Variants in TBC1D4 observed in about 807,000 individuals in gnomAD.
The protein encoded by TBC1D4 is TBC (Tre-2, BUB2, CDC16) domain-containing protein.
A neutral mutation model predicts 142.5 loss-of-function variants in TBC1D4; 121 were observed. The ratio of observed to expected loss-of-function variants is 0.85; its 90% CI spans 0.73 to 0.99. TBC1D4 has a LOEUF of 0.99. Among genes scored for constraint, TBC1D4 ranks in the 50% least tolerant of loss-of-function variants. The probability of loss-of-function intolerance (pLI) is 0.00; values close to 1 mark genes in which losing one functional copy is unlikely to be tolerated. For synonymous variants in TBC1D4, 630 were observed against 628.2 expected (o/e 1.00, Z -0.04); for missense variants, 1,475 against 1,606.6 (o/e 0.92, Z 1.40).
chr13:75,299,413 C>G lies in TBC1D4; in HGVS notation c.3073G>C (p.Glu1025Gln). 1 of 1,614,144 alleles carries G rather than the reference C, an allele frequency of 6.2e-7. No homozygotes were observed. Among genetic ancestry groups the G allele is most frequent in the Non-Finnish European group, 8.5e-7 (1 of 1,180,032 alleles). ...AGVLLLHMSEEQAFEMLKFLM... is the reference protein window; with the variant it reads ...AGVLLLHMSEQQAFEMLKFLM... Reference sequence around the variant, plus strand: ...AATTTCAGCATTTCAAAGGCTTGCTCTTCACTCATGTGCAGAAGCAGGACT... The same window carrying G: ...AATTTCAGCATTTCAAAGGCTTGCTGTTCACTCATGTGCAGAAGCAGGACT... The change falls in exon 17 of 21, where the codon GAG becomes CAG. Residue 1025 changes from glutamate to glutamine, a missense_variant. Transcript: ENST00000377636.
intron 18 of TBC1D4, 135 bp from the exon 19 acceptor site, chr13:75,292,406 T>G: frequency 1.5e-6 from 1 of 681,086 alleles, no homozygotes; most frequent in Non-Finnish European, 2.4e-6. Context: ...AGCATCTAGC[T>G]TTTTTTTAAA....
At chr13:75,287,778 T>C (rs913179606) in intron 20 of TBC1D4, among the ~76,000 whole-genome samples, 1 of 152,200 alleles carries the variant, frequency 6.6e-6, no homozygotes, top group Admixed American at 6.5e-5. Flanking sequence ...ATTTCTAACC[T>C]GTCTCTCTTG....
intron 1 of TBC1D4, among the ~76,000 whole-genome samples, chr13:75,387,469 CTT>C (rs1306464088): frequency 6.6e-6 from 1 of 152,158 alleles, no homozygotes; most frequent in African/African-American, 2.4e-5. Context: ...TCAAAAGAAT[CTT>C]TTAACAATGC....
chr13:75,458,385 T>A (rs535969948), intron 1 of TBC1D4, among the ~76,000 whole-genome samples: 1 of 152,300 alleles, frequency 6.6e-6, no homozygotes, highest in East Asian at 1.9e-4. Context: ...CTGCTCCTCT[T>A]TTTCTCTACT....
chr13:75,360,689 G>A (rs1882431773), intron 2 of TBC1D4, among the ~76,000 whole-genome samples: 1 of 152,144 alleles, frequency 6.6e-6, no homozygotes. Context: ...CCACATTTGT[G>A]TTCTGTGTGG....
intron 3 of TBC1D4, 127 bp from the exon 4 acceptor site, chr13:75,356,378 GGGGGAC>G: frequency 2.7e-6 from 2 of 740,212 alleles, no homozygotes; most frequent in Non-Finnish European, 4.8e-6. Context: ...AGCAATGAAG[GGGGGAC>G]ATAATGCCAT....
At chr13:75,450,334 C>G (rs1340323852) in intron 1 of TBC1D4, among the ~76,000 whole-genome samples, 2 of 152,056 alleles carry the variant, frequency 1.3e-5, no homozygotes, top group Non-Finnish European at 2.9e-5. Flanking sequence ...ATTCCTGACA[C>G]GTGTTATGTT....
rs547650450 is a variant in TBC1D4, at chr13:75,355,601, C to T, written c.1275+546G>A. Among the ~76,000 whole-genome samples, 3 of 152,074 alleles carry T rather than the reference C, an allele frequency of 2.0e-5. No individual in the cohort carries two copies. The South Asian group carries it at 6.2e-4, about 32-fold the overall frequency. ...GACATAATGCCTTGAACTCCAATTA[C>T]CTTTAGTTGAGAGTAGGAGAGGGGT... On this transcript the variant is annotated intron_variant, in intron 4 of 20. Coordinates refer to ENST00000377636, the MANE Select transcript of TBC1D4 (RefSeq NM_014832.5).
intron 2 of TBC1D4, 49 bp from the exon 3 acceptor site, chr13:75,359,907 A>G (rs1396416383): frequency 5.7e-6 from 8 of 1,411,314 alleles, no homozygotes; most frequent in Non-Finnish European, 8.0e-6. Context: ...AGGATCTAAC[A>G]TCTTACTTTA....
At chr13:75,324,673 G>T (rs1879078366) in intron 10 of TBC1D4, among the ~76,000 whole-genome samples, 1 of 152,104 alleles carries the variant, frequency 6.6e-6, no homozygotes, top group African/African-American at 2.4e-5. Context: ...TTAACAATTT[G>T]AGGACAAAAA....
intron 1 of TBC1D4, among the ~76,000 whole-genome samples, chr13:75,403,973 T>C (rs1219845085): frequency 6.6e-6 from 1 of 151,926 alleles, no homozygotes; most frequent in African/African-American, 2.4e-5. Flanking sequence ...TACACAATGC[T>C]AGAGAAAGTT....
intron 1 of TBC1D4, among the ~76,000 whole-genome samples, chr13:75,419,857 A>C (rs1400667236): frequency 6.6e-6 from 1 of 152,238 alleles, no homozygotes; most frequent in Non-Finnish European, 1.5e-5. Context: ...TAGGACGTGC[A>C]CAAATAACCA....
At chr13:75,435,552 T>G (rs1469620602) in intron 1 of TBC1D4, among the ~76,000 whole-genome samples, 1 of 152,194 alleles carries the variant, frequency 6.6e-6, no homozygotes, top group Non-Finnish European at 1.5e-5. Context: ...GGACATCACG[T>G]TGTTTCTAGA....
intron 5 of TBC1D4, among the ~76,000 whole-genome samples, chr13:75,348,423 C>G (rs1205853988): frequency 1.3e-5 from 2 of 152,134 alleles, no homozygotes; most frequent in African/African-American, 4.8e-5. Flanking sequence ...GGGATTAGTC[C>G]ATGTCTCAAT....
chr13:75,415,631 G>A (rs1177400258), intron 1 of TBC1D4, among the ~76,000 whole-genome samples: 2 of 152,160 alleles, frequency 1.3e-5, no homozygotes, highest in African/African-American at 4.8e-5. Flanking sequence ...GGCTTTTTAA[G>A]CATTTTTCTT....
At chr13:75,290,863 C>T (rs377429165) in intron 19 of TBC1D4, among the ~76,000 whole-genome samples, 13 of 152,246 alleles carry the variant, frequency 8.5e-5, no homozygotes, top group Middle Eastern at 3.4e-3. Flanking sequence ...CCCATAGGTA[C>T]ACAGCTAGTA....
chr13:75,459,614 C>G (rs994461919), intron 1 of TBC1D4, among the ~76,000 whole-genome samples: 1 of 151,984 alleles, frequency 6.6e-6, no homozygotes, highest in African/African-American at 2.4e-5. Flanking sequence ...TATATGCTTT[C>G]TCTGTGTTCT....
intron 17 of TBC1D4, 84 bp from the exon 18 acceptor site, chr13:75,295,097 T>C (rs1875769665): frequency 7.8e-7 from 1 of 1,279,644 alleles, no homozygotes; most frequent in Admixed American, 2.0e-5. Context: ...TTTATTCTAA[T>C]ATTTAATAAC....
At chr13:75,387,896 G>T (rs1241891574) in intron 1 of TBC1D4, among the ~76,000 whole-genome samples, 2 of 152,128 alleles carry the variant, frequency 1.3e-5, no homozygotes, top group African/African-American at 4.8e-5. Context: ...TTACAGTTCT[G>T]CAGGACAGAA....
Sources: allele counts gnomAD v4.1 joint callset (sites outside exome capture counted in the v4.1 genomes callset), GRCh38; gene constraint gnomAD v4.1.1; transcripts MANE v1.5; gene names NCBI Gene and HGNC (gene_info 2026-07-23, HGNC 2026-07-21).